KREMEN1: variants seen among roughly 807,000 people sequenced by gnomAD.
KREMEN1 encodes kringle containing transmembrane protein 1.
Under a neutral mutation model 46.5 loss-of-function variants are expected in KREMEN1, and 30 were observed. That is an observed-to-expected ratio of 0.65 (90% CI 0.48 to 0.88). The LOEUF is 0.88. KREMEN1 is among the 40% of genes least tolerant of loss of function. KREMEN1 has a pLI of 0.00. For synonymous variants in KREMEN1, 214 were observed against 230.6 expected, an observed-to-expected ratio of 0.93 and a Z score of 0.65; for missense variants, 533 against 596.9, an observed-to-expected ratio of 0.89 and a Z score of 1.11.
intron 9 of KREMEN1, among the ~76,000 whole-genome samples, chr22:29,160,809 T>C (rs544888511): frequency 4.6e-5 from 7 of 152,074 alleles, no homozygotes; most frequent in African/African-American, 1.4e-4. Flanking sequence ...ATATCGCACA[T>C]AGAGGAACTA....
In KREMEN1 at chr22:29,163,767, G is replaced by A. The variant is rs150830654; in HGVS notation, c.1417-3277G>A. Among the ~76,000 whole-genome samples, 14 of 152,276 alleles carry A rather than the reference G, an allele frequency of 9.2e-5. No individual in the cohort carries two copies. The East Asian group carries it at 2.7e-3, about 29-fold the overall frequency. ...AACAGTAGACACTGGGGACTACTAA[G>A]GGGGGAAGGGAGAGAAGGGGTCAAG... On this transcript the variant is annotated intron_variant, in intron 9 of 9. Coordinates refer to the KREMEN1 transcript ENST00000327813.
At chr22:29,140,030 A>G (rs2038736219) in intron 7 of KREMEN1, among the ~76,000 whole-genome samples, 1 of 152,212 alleles carries the variant, frequency 6.6e-6, no homozygotes, top group Non-Finnish European at 1.5e-5. Context: ...TTCTGAGTCC[A>G]ATAGACTTTG....
chr22:29,142,527 A>G lies in KREMEN1; in HGVS notation c.*415A>G. 1.0e-6 allele frequency: 1 copy of G among 989,388 alleles called. No homozygotes were observed. The highest frequency in any genetic ancestry group is 1.7e-5 in the African/African-American group (1 of 57,504). 61.3% of individuals were successfully genotyped at this position (989,388 alleles called of 1,614,324 possible). A position where few individuals can be genotyped will look rare whatever the true frequency, so the allele number is the denominator to read the frequency against. On this transcript the variant is annotated 3_prime_UTR_variant, in exon 9 of 9. Coordinates refer to ENST00000400335, the MANE Select transcript of KREMEN1 (RefSeq NM_001039570.3). ...TTCTTGCTTCTCTATTTTTGTCCACACACAAATCAGTTTCTCCTGATCTTT... is the reference window on the plus strand; with the variant it reads ...TTCTTGCTTCTCTATTTTTGTCCACGCACAAATCAGTTTCTCCTGATCTTT...
rs970768699 is a variant in KREMEN1 at position 29,144,984 on chromosome 22, C to T, written c.*2872C>T. ...CAACTTACGATCCGTGGAGCAGCCC[C>T]GGGAAACCCAAATCTGGCTCAGGAC... is the stretch of plus-strand genomic sequence containing the variant. On this transcript the variant is annotated 3_prime_UTR_variant, in exon 9 of 9. Transcript: ENST00000400335. 14 of 985,418 alleles carry T rather than the reference C, an allele frequency of 1.4e-5. No individual in the cohort carries two copies. The highest frequency in any genetic ancestry group is 3.5e-5 in the African/African-American group (2 of 57,242). The allele number at this position is 985,418 out of a possible 1,614,324, so 61.0% of individuals were successfully genotyped here.
chr22:29,123,305 C>T (rs2038388613), intron 4 of KREMEN1, among the ~76,000 whole-genome samples: 1 of 148,802 alleles, frequency 6.7e-6, no homozygotes, highest in Non-Finnish European at 1.5e-5. Flanking sequence ...ATTTGCAAAT[C>T]ACATATGTGA....
intron 9 of KREMEN1, among the ~76,000 whole-genome samples, chr22:29,153,937 A>C (rs1601821688): frequency 1.3e-5 from 2 of 149,390 alleles, no homozygotes; most frequent in Admixed American, 6.8e-5. Flanking sequence ...TAGTCACTGC[A>C]CTCCAGCCTG....
At chr22:29,079,840 C>T (rs772615259) in intron 1 of KREMEN1, among the ~76,000 whole-genome samples, 15 of 152,204 alleles carry the variant, frequency 9.9e-5, no homozygotes, top group Non-Finnish European at 1.6e-4. Flanking sequence ...AAGTAGTTCT[C>T]TTCTAGACTA....
At chr22:29,086,978 G>A (rs763321987) in intron 1 of KREMEN1, among the ~76,000 whole-genome samples, 2 of 151,928 alleles carry the variant, frequency 1.3e-5, no homozygotes, top group African/African-American at 2.4e-5. Context: ...GCCCAGGCTG[G>A]TCTTGAACTC....
intron 5 of KREMEN1, among the ~76,000 whole-genome samples, chr22:29,128,926 G>A (rs2038489420): frequency 6.6e-6 from 1 of 152,180 alleles, no homozygotes. Context: ...CCAGTTTTAT[G>A]CTTTAAAGTT....
At chr22:29,088,893 C>A (rs1319124152) in intron 1 of KREMEN1, among the ~76,000 whole-genome samples, 1 of 152,112 alleles carries the variant, frequency 6.6e-6, no homozygotes, top group Admixed American at 6.6e-5. Context: ...AGGTCTGGCT[C>A]TAGAGCCCCT....
At chr22:29,094,883 C>T (rs2037861366) in intron 2 of KREMEN1, among the ~76,000 whole-genome samples, 1 of 152,212 alleles carries the variant, frequency 6.6e-6, no homozygotes, top group South Asian at 2.1e-4. Flanking sequence ...CTCAGCCTCC[C>T]AAAGTGCTGG....
At position 29,073,938 on chromosome 22, in the gene KREMEN1, G is replaced by A. The variant is rs2037521461; in HGVS notation, c.97+711G>A. Among the ~76,000 whole-genome samples the A allele has an allele frequency of 6.6e-6, 1 of 151,996 alleles. No individual in the cohort carries two copies. The highest frequency in any genetic ancestry group is 2.0e-4 in the East Asian group (1 of 5,126). ...TACGCCCCTCTCCGAGACCTCCAGC[G>A]ACATCCCTCCCCTGGGCCAAGGTCC... On this transcript the variant is annotated intron_variant, in intron 1 of 8. Transcript: ENST00000400335. This position sits in a 1 kb window ranked among gnomAD's most constrained non-coding sequence, Gnocchi z 4.4.
chr22:29,155,558 G>C (rs1448243159), intron 9 of KREMEN1, among the ~76,000 whole-genome samples: 6 of 151,870 alleles, frequency 4.0e-5, no homozygotes, highest in Non-Finnish European at 5.9e-5. Flanking sequence ...AGAAGGTGAG[G>C]ACACTTACAT....
intron 1 of KREMEN1, among the ~76,000 whole-genome samples, chr22:29,089,153 T>G (rs2037772268): frequency 1.3e-5 from 2 of 152,144 alleles, no homozygotes; most frequent in African/African-American, 4.8e-5. Flanking sequence ...GCCTCAGCCT[T>G]TTTCCTCAAC....
chr22:29,122,613 G>A (rs1213344700), intron 4 of KREMEN1, among the ~76,000 whole-genome samples: 1 of 152,024 alleles, frequency 6.6e-6, no homozygotes, highest in Non-Finnish European at 1.5e-5. Flanking sequence ...CCATACTGTG[G>A]AATACCACTC....
intron 1 of KREMEN1, among the ~76,000 whole-genome samples, chr22:29,091,777 A>G (rs532820638): frequency 2.6e-5 from 4 of 152,268 alleles, no homozygotes; most frequent in African/African-American, 9.6e-5. Context: ...ATTTCTTGTG[A>G]TAGTAAGTGT....
rs555326716 is a variant in KREMEN1, at chr22:29,073,414, G to A, written c.97+187G>A. On this transcript the variant is annotated intron_variant, in intron 1 of 8. Transcript: ENST00000400335. This position sits in a 1 kb window ranked among gnomAD's most constrained non-coding sequence, Gnocchi z 4.4. ...TGGGACCCGGGCTACCCCCAGGCCC[G>A]TCATCGACGCCCCCGGGCCCGGTAC... Among the ~76,000 whole-genome samples the A allele has an allele frequency of 6.0e-4, 91 of 151,590 alleles. No homozygotes were observed. Among genetic ancestry groups the A allele is most frequent in the African/African-American group, 2.0e-3 (84 of 41,362 alleles).
intron 5 of KREMEN1, among the ~76,000 whole-genome samples, chr22:29,135,484 T>C (rs2038641483): frequency 1.3e-5 from 2 of 152,134 alleles, no homozygotes; most frequent in South Asian, 4.1e-4. Flanking sequence ...TTCCTGCAAG[T>C]GTGAAGAGAA....
intron 1 of KREMEN1, among the ~76,000 whole-genome samples, chr22:29,081,853 T>G (rs20037): frequency 0.64 from 97,415 of 152,024 alleles, 31,423 homozygotes; most frequent in Middle Eastern, 0.78. Context: ...CTTCGAGTTT[T>G]ACTTTGAAAT....
Sources: allele counts gnomAD v4.1 joint callset (sites outside exome capture counted in the v4.1 genomes callset), GRCh38; gene constraint gnomAD v4.1.1; non-coding constraint Gnocchi (gnomAD v3.1); transcripts MANE v1.5; gene names NCBI Gene and HGNC (gene_info 2026-07-23, HGNC 2026-07-21).